The following SLCO5A1 variants were observed in gnomAD, a reference collection of about 807,000 sequenced individuals.
SLCO5A1 encodes the protein solute carrier organic anion transporter family member 5A1, also known as organic anion transporter polypeptide-related protein 4.
SLCO5A1 carries 39 observed loss-of-function variants against 65.1 expected under a neutral mutation model. The ratio of observed to expected loss-of-function variants is 0.60; its 90% confidence interval spans 0.46 to 0.78. The LOEUF is 0.78. Among genes scored for constraint, SLCO5A1 ranks in the 30% least tolerant of loss-of-function variants. The pLI, the probability that SLCO5A1 is intolerant of heterozygous loss-of-function variation, is 0.00. For missense variants in SLCO5A1, 1,029 were observed against 1,069.4 expected (o/e 0.96, Z 0.53); for synonymous variants, 438 against 415.7 (o/e 1.05, Z -0.65).
chr8:69,794,544 G>A, intron 2 of SLCO5A1: 1 of 369,200 alleles, frequency 2.7e-6, no homozygotes, highest in Non-Finnish European at 5.4e-6. Flanking sequence ...CTCTCTATGT[G>A]GATCAGGATT....
At chr8:69,725,171 G>A (rs918834346) in intron 5 of SLCO5A1, among the ~76,000 whole-genome samples, 1 of 152,130 alleles carries the variant, frequency 6.6e-6, no homozygotes, top group Admixed American at 6.6e-5. Context: ...ACTCACTCAA[G>A]GCTACACAGC....
chr8:69,667,713 G>A lies in SLCO5A1; in HGVS notation c.*5156C>T, dbSNP rs1297049610. Reference sequence around the variant, plus strand: ...AGTGTTAAAAATACCTTACATGGGTGTAATCTTTTTGGAGAAGAAATAAGA... The same window carrying A: ...AGTGTTAAAAATACCTTACATGGGTATAATCTTTTTGGAGAAGAAATAAGA... On this transcript the variant is annotated 3_prime_UTR_variant, in exon 10 of 10. Transcript: ENST00000260126. 1 of 152,194 alleles carries A rather than the reference G, an allele frequency of 6.6e-6. No individual in the cohort carries two copies. The highest frequency in any genetic ancestry group is 2.4e-5 in the African/African-American group (1 of 41,436). 9.4% of individuals were successfully genotyped at this position (152,194 alleles called of 1,614,324 possible).
At chr8:69,762,395 C>T (rs1215202598) in intron 2 of SLCO5A1, among the ~76,000 whole-genome samples, 1 of 151,958 alleles carries the variant, frequency 6.6e-6, no homozygotes, top group African/African-American at 2.4e-5. Context: ...ACCATGTCAG[C>T]CAGGATGGTC....
At chr8:69,677,027 T>A (rs966587221) in intron 8 of SLCO5A1, among the ~76,000 whole-genome samples, 3 of 148,300 alleles carry the variant, frequency 2.0e-5, no homozygotes, top group African/African-American at 5.3e-5. Flanking sequence ...TACTGCACGG[T>A]TTTTTTGTTT....
At chr8:69,785,667 T>G (rs1180096030) in intron 2 of SLCO5A1, among the ~76,000 whole-genome samples, 2 of 152,230 alleles carry the variant, frequency 1.3e-5, no homozygotes, top group Non-Finnish European at 2.9e-5. Context: ...AGCAGTAGAT[T>G]CAAACCCAAG....
chr8:69,738,585 C>T (rs756991421), intron 4 of SLCO5A1, among the ~76,000 whole-genome samples: 13 of 152,082 alleles, frequency 8.5e-5, no homozygotes, highest in Non-Finnish European at 1.6e-4. Flanking sequence ...GTGTAAAGTG[C>T]CTGCAATGCA....
chr8:69,815,697 C>T (rs1271716314), intron 2 of SLCO5A1, among the ~76,000 whole-genome samples: 2 of 142,304 alleles, frequency 1.4e-5, no homozygotes, highest in Middle Eastern at 3.5e-3. Flanking sequence ...CACAAAATTA[C>T]ATCATTCCCT....
chr8:69,682,322 A>G lies in SLCO5A1; in HGVS notation c.1644T>C (p.His548=). 7 of 1,608,482 alleles carry G rather than the reference A, an allele frequency of 4.4e-6. No individual in the cohort carries two copies. The highest frequency in any genetic ancestry group is 5.9e-6 in the Non-Finnish European group (7 of 1,177,794). ...CGTTGCAGCTTCCTGTCAGATTCCT[A>G]TGGGGCATGGTGAGAGAAGGTCTAA... ...YTTGPSLTMP[H]RNLTGSCNVN... is the part of the protein sequence containing the mutation. Residue 548 remains histidine, a synonymous_variant, in exon 7 of 10, where the codon CAT becomes CAC. Transcript: ENST00000260126.
Position 69,832,589 on chromosome 8 carries a change from C to T in SLCO5A1, c.85G>A (p.Glu29Lys). The change falls in exon 2 of 10, where the codon GAG becomes AAG. Residue 29 changes from glutamate (E) to lysine (K), a missense_variant. Glu to Lys is a moderately conservative substitution (Grantham distance 56). Coordinates refer to ENST00000260126, the MANE Select transcript of SLCO5A1 (RefSeq NM_030958.3). The surrounding 1 kb of genome is among the most constrained non-coding windows in gnomAD (Gnocchi z 4.5). ...CTCTTAGACCTGAGGGTCTCCGGCT[C>T]GCACCTCTCTTGGACAGCTTCTGCA... ...ATAEAVQERC[E>K]PETLRSKSLP... 2 of 1,612,908 alleles carry T rather than the reference C, an allele frequency of 1.2e-6. No homozygotes were observed. Among genetic ancestry groups the T allele is most frequent in the East Asian group, 2.2e-5 (1 of 44,882 alleles).
intron 9 of SLCO5A1, among the ~76,000 whole-genome samples, chr8:69,674,546 AC>A (rs1813468420): frequency 6.6e-6 from 1 of 152,178 alleles, no homozygotes; most frequent in African/African-American, 2.4e-5. Flanking sequence ...GCCCAACTAG[AC>A]TTTTTCACAA....
At chr8:69,776,018 A>G (rs1199926340) in intron 2 of SLCO5A1, among the ~76,000 whole-genome samples, 5 of 152,140 alleles carry the variant, frequency 3.3e-5, no homozygotes. Context: ...TCAAAAAAAG[A>G]AAAAGAAAAA....
intron 4 of SLCO5A1, among the ~76,000 whole-genome samples, chr8:69,739,523 C>T (rs947913328): frequency 3.3e-5 from 5 of 152,060 alleles, no homozygotes; most frequent in Admixed American, 6.5e-5. Flanking sequence ...GAACGGTTAT[C>T]TCTTTCAACA....
chr8:69,762,819 T>A (rs1817858545), intron 2 of SLCO5A1, among the ~76,000 whole-genome samples: 1 of 152,232 alleles, frequency 6.6e-6, no homozygotes, highest in Non-Finnish European at 1.5e-5. Flanking sequence ...TGGTTTACTG[T>A]TAATTGAAGT....
At chr8:69,827,259 G>T (rs1354014533) in intron 2 of SLCO5A1, among the ~76,000 whole-genome samples, 1 of 151,540 alleles carries the variant, frequency 6.6e-6, no homozygotes, top group Non-Finnish European at 1.5e-5. Context: ...TAACTAACCT[G>T]CACATTGTGC....
At chr8:69,728,375 C>G (rs1004084594) in intron 5 of SLCO5A1, among the ~76,000 whole-genome samples, 2 of 152,014 alleles carry the variant, frequency 1.3e-5, no homozygotes, top group African/African-American at 4.8e-5. Context: ...ATAGTTTTGA[C>G]CTTCAAACCA....
chr8:69,775,538 G>A (rs1278086769), intron 2 of SLCO5A1, among the ~76,000 whole-genome samples: 1 of 152,148 alleles, frequency 6.6e-6, no homozygotes, highest in Non-Finnish European at 1.5e-5. Flanking sequence ...GAAGGAGTAC[G>A]GGGTGTTATC....
intron 7 of SLCO5A1, 102 bp from the exon 8 acceptor site, chr8:69,679,721 A>G (rs1219510180): frequency 6.7e-7 from 1 of 1,481,990 alleles, no homozygotes; most frequent in East Asian, 2.3e-5. Flanking sequence ...AAATAGCTCA[A>G]ATATTTTTTC....
intron 2 of SLCO5A1, among the ~76,000 whole-genome samples, chr8:69,807,529 C>G (rs1420987077): frequency 6.6e-6 from 1 of 152,200 alleles, no homozygotes; most frequent in Non-Finnish European, 1.5e-5. Flanking sequence ...CTCTCCCGCA[C>G]AGCCTCTGAA....
intron 2 of SLCO5A1, among the ~76,000 whole-genome samples, chr8:69,819,662 C>G (rs970825850): frequency 6.6e-6 from 1 of 152,068 alleles, no homozygotes; most frequent in African/African-American, 2.4e-5. Flanking sequence ...TAATACTGGT[C>G]AGAAAAAAAC....
Sources: gnomAD v4.1 joint callset for allele counts (sites outside exome capture counted in the v4.1 genomes callset) on GRCh38, gnomAD v4.1.1 for gene constraint, Gnocchi (gnomAD v3.1) non-coding constraint, MANE v1.5 for transcripts, NCBI Gene and HGNC (gene_info 2026-07-23, HGNC 2026-07-21) for gene names.